Variants in EGF observed in about 807,000 individuals in gnomAD.
EGF encodes the protein epidermal growth factor.
In EGF, 95 loss-of-function variants were observed where a neutral mutation model predicts 143.8. That is an observed-to-expected ratio of 0.66 (90% CI 0.56 to 0.78). EGF has a LOEUF of 0.78. Ranked by LOEUF, EGF falls within the 30% of genes least tolerant of loss-of-function variation. The pLI, the probability that EGF is intolerant of heterozygous loss-of-function variation, is 0.00. For missense variants in EGF, 1,320 were observed against 1,470.9 expected, an observed-to-expected ratio of 0.90 and a Z score of 1.68; for synonymous variants, 510 against 510.5, an observed-to-expected ratio of 1.00 and a Z score of 0.01.
At chr4:110,008,051 T>C (rs1753542379) in intron 22 of EGF, 101 bp from the exon 23 acceptor site, 1 of 1,096,854 alleles carries the variant, frequency 9.1e-7, no homozygotes, top group Non-Finnish European at 1.4e-6. Flanking sequence ...TCACTTTCCA[T>C]AGGATGAACA....
At chr4:109,931,765 G>C (rs915261429) in intron 1 of EGF, among the ~76,000 whole-genome samples, 3 of 152,216 alleles carry the variant, frequency 2.0e-5, no homozygotes, top group Non-Finnish European at 4.4e-5. Context: ...CTCACAGAGA[G>C]GCACCCTGGG....
intron 10 of EGF, among the ~76,000 whole-genome samples, chr4:109,965,552 C>A (rs1746415116): frequency 6.6e-6 from 1 of 152,006 alleles, no homozygotes; most frequent in African/African-American, 2.4e-5. Flanking sequence ...CATTTATTAC[C>A]AAACTAGTTT....
At chr4:109,992,178 A>AG (rs1015019621) in intron 18 of EGF, 2 of 79,938 alleles carry the variant, frequency 2.5e-5, no homozygotes, top group Non-Finnish European at 6.3e-5. Context: ...TTTAAAAAAA[A>AG]AAAAAAAAAA....
intron 1 of EGF, among the ~76,000 whole-genome samples, chr4:109,932,377 A>ATATATATATATATATATAT (rs1553929849): frequency 2.3e-4 from 28 of 123,888 alleles, no homozygotes; most frequent in East Asian, 5.2e-4. Context: ...ATATATATAT[A>ATATATATATATATATATAT]AATTTTTTTT....
intron 5 of EGF, among the ~76,000 whole-genome samples, chr4:109,957,409 C>T (rs1208776965): frequency 6.6e-6 from 1 of 152,198 alleles, no homozygotes; most frequent in Non-Finnish European, 1.5e-5. Flanking sequence ...TTAACCAATC[C>T]ACTATATATA....
intron 5 of EGF, among the ~76,000 whole-genome samples, chr4:109,948,155 C>T (rs1307316567): frequency 6.6e-6 from 1 of 152,194 alleles, no homozygotes; most frequent in Non-Finnish European, 1.5e-5. Flanking sequence ...ATAGAATTGG[C>T]TGGAAAGCCT....
intron 1 of EGF, among the ~76,000 whole-genome samples, chr4:109,922,834 C>A (rs1169437720): frequency 1.3e-5 from 2 of 151,606 alleles, no homozygotes; most frequent in African/African-American, 4.9e-5. Flanking sequence ...TGGATTAATT[C>A]TTGTAAAATG....
intron 1 of EGF, among the ~76,000 whole-genome samples, chr4:109,922,183 G>A (rs1737917968): frequency 6.6e-6 from 1 of 151,632 alleles, no homozygotes; most frequent in Non-Finnish European, 1.5e-5. Flanking sequence ...GTTTAGAATG[G>A]TCAATGCTCT....
intron 21 of EGF, chr4:110,004,252 AAAC>A: frequency 1.2e-5 from 6 of 496,796 alleles, no homozygotes; most frequent in East Asian, 4.4e-5. Context: ...ACACACACAC[AAAC>A]ACACACACAC....
Position 109,925,918 on chromosome 4 carries a change from GA to G in EGF, c.127+12459del, listed in dbSNP as rs1303745757. On this transcript the variant is annotated intron_variant, in intron 1 of 23. Coordinates refer to ENST00000265171, the MANE Select transcript of EGF (RefSeq NM_001963.6). ...CAGCAAGACGTGTGGCAAAGAAGTT[GA>G]AACTGGAATTGCATCAAGCATTATG... 2.0e-5 allele frequency among the ~76,000 whole-genome samples: 3 copies of G among 152,314 alleles called. No individual in the cohort carries two copies. The East Asian group carries it at 5.8e-4, about 29-fold the overall frequency.
At chr4:109,944,148 G>A in intron 4 of EGF, 79 bp downstream of exon 4, 2 of 1,434,230 alleles carry the variant, frequency 1.4e-6, no homozygotes, top group Non-Finnish European at 1.9e-6. Flanking sequence ...TTTTGTCAAT[G>A]GAACTGGTAT....
At chr4:109,955,541 T>A (rs1744656428) in intron 5 of EGF, among the ~76,000 whole-genome samples, 1 of 152,250 alleles carries the variant, frequency 6.6e-6, no homozygotes, top group Non-Finnish European at 1.5e-5. Context: ...TAGTGATTTC[T>A]TTCCTGCCTA....
In EGF at chr4:109,913,560, G is replaced by A. The variant is rs11568852; in HGVS notation, c.127+98G>A. Reference sequence around the variant, plus strand: ...TATACTTGGGCATTTAACAAAGTTTGTCTTTGGGTATGTATAGTTGCTTAA... The same window carrying A: ...TATACTTGGGCATTTAACAAAGTTTATCTTTGGGTATGTATAGTTGCTTAA... On this transcript the variant is annotated intron_variant, in intron 1 of 23. Transcript: ENST00000265171. 1.5e-3 allele frequency: 2,290 copies of A among 1,540,154 alleles called. 35 individuals carry two copies. In the African/African-American group the frequency reaches 0.028, roughly 19 times the overall value.
chr4:110,004,674 A>G (rs761185906), intron 22 of EGF, 52 bp downstream of exon 22: 1 of 1,451,662 alleles, frequency 6.9e-7, no homozygotes, highest in Non-Finnish European at 9.5e-7. Context: ...ATTAACCCCT[A>G]TTCATTTTTT....
intron 5 of EGF, among the ~76,000 whole-genome samples, chr4:109,953,733 A>G (rs1560682840): frequency 6.6e-6 from 1 of 152,196 alleles, no homozygotes; most frequent in Non-Finnish European, 1.5e-5. Context: ...ACTGTCTTGC[A>G]GCCGTTGACA....
At chr4:109,914,254 G>T (rs1260345677) in intron 1 of EGF, among the ~76,000 whole-genome samples, 1 of 152,022 alleles carries the variant, frequency 6.6e-6, no homozygotes, top group African/African-American at 2.4e-5. Flanking sequence ...GCTTAGACAC[G>T]GCAGCCGCCT....
chr4:109,974,771 C>T lies in EGF; in HGVS notation c.1793C>T (p.Ser598Phe). Residue 598 changes from serine to phenylalanine, a missense_variant, in exon 12 of 24, where the codon TCT becomes TTT. Physicochemically the swap from Ser to Phe is radical, Grantham distance 155. Coordinates refer to ENST00000265171, the MANE Select transcript of EGF (RefSeq NM_001963.6). ...AAAATAATCACTAAGGAGAACATCTCTCAACCACGAGGAATTGCTGTTCAT... is the reference window on the plus strand; with the variant it reads ...AAAATAATCACTAAGGAGAACATCTTTCAACCACGAGGAATTGCTGTTCAT... ...RSKIITKENI[S>F]QPRGIAVHPM... 1 of 1,613,596 alleles carries T rather than the reference C, an allele frequency of 6.2e-7. No individual in the cohort carries two copies. The highest frequency in any genetic ancestry group is 2.2e-5 in the East Asian group (1 of 44,832).
Position 109,974,741 on chromosome 4 carries a change from G to C in EGF, c.1763G>C (p.Arg588Pro). The change falls in exon 12 of 24, where the codon CGT (arginine) becomes CCT (proline). Residue 588 changes from arginine (R) to proline (P), a missense_variant. Transcript: ENST00000265171. ...LIGRSDLNGK[R>P]SKIITKENIS... The stretch of plus-strand genomic sequence containing the variant: ...GGAAGGAGTGATTTAAATGGGAAAC[G>C]TTCCAAAATAATCACTAAGGAGAAC... The C allele has an allele frequency of 6.2e-7, 1 of 1,613,460 alleles. No individual in the cohort carries two copies. Among genetic ancestry groups the C allele is most frequent in the Non-Finnish European group, 8.5e-7 (1 of 1,179,564 alleles).
chr4:109,970,060 G>A (rs185559910), intron 11 of EGF, among the ~76,000 whole-genome samples: 1 of 152,254 alleles, frequency 6.6e-6, no homozygotes, highest in Admixed American at 6.5e-5. Flanking sequence ...TAAGAGAGAT[G>A]CTCTTTGTTT....
Sources: allele counts gnomAD v4.1 joint callset (sites outside exome capture counted in the v4.1 genomes callset), GRCh38; gene constraint gnomAD v4.1.1; transcripts MANE v1.5; gene names NCBI Gene and HGNC (gene_info 2026-07-23, HGNC 2026-07-21).